Variants in CDH12 observed in about 807,000 individuals in gnomAD.
CDH12 encodes the protein cadherin-12.
CDH12 carries 41 observed loss-of-function variants against 74.1 expected under a neutral mutation model. The observed-to-expected ratio is 0.55, with a 90% CI of 0.43 to 0.72. The LOEUF is 0.72. Ranked by LOEUF, CDH12 falls within the 30% of genes least tolerant of loss-of-function variation. CDH12 has a pLI of 0.00. For missense variants in CDH12, 945 were observed against 977.2 expected (o/e 0.97, Z 0.44); for synonymous variants, 399 against 355.0 (o/e 1.12, Z -1.39).
chr5:21,849,092 G>T (rs950136734), intron 7 of CDH12, among the ~76,000 whole-genome samples: 1 of 151,692 alleles, frequency 6.6e-6, no homozygotes, highest in Non-Finnish European at 1.5e-5. Flanking sequence ...CTTATATATG[G>T]TATTATTCTT....
chr5:21,924,286 C>T (rs1754488678), intron 6 of CDH12, among the ~76,000 whole-genome samples: 1 of 152,034 alleles, frequency 6.6e-6, no homozygotes, highest in African/African-American at 2.4e-5. Context: ...CCAGCACTTT[C>T]GAAGGCCGAG....
chr5:22,192,095 A>G (rs555148908), intron 4 of CDH12, among the ~76,000 whole-genome samples: 1 of 151,974 alleles, frequency 6.6e-6, no homozygotes, highest in South Asian at 2.1e-4. Context: ...CACCATGCCC[A>G]GCTAATTTTT....
At chr5:22,434,036 G>GC (rs1291541608) in intron 2 of CDH12, among the ~76,000 whole-genome samples, 3 of 152,166 alleles carry the variant, frequency 2.0e-5, no homozygotes, top group South Asian at 2.1e-4. Context: ...AGTATATCCA[G>GC]CCCCCACACA....
intron 5 of CDH12, among the ~76,000 whole-genome samples, chr5:22,054,610 T>C (rs1342936869): frequency 1.3e-5 from 2 of 152,154 alleles, no homozygotes; most frequent in African/African-American, 4.8e-5. Flanking sequence ...ATATTGACTG[T>C]TAAAATTAGA....
chr5:21,810,873 A>G (rs1747709658), intron 9 of CDH12, among the ~76,000 whole-genome samples: 1 of 152,140 alleles, frequency 6.6e-6, no homozygotes. Flanking sequence ...TTTGTTCTTA[A>G]GAGTTATTCA....
intron 3 of CDH12, among the ~76,000 whole-genome samples, chr5:22,386,649 T>A (rs542612806): frequency 1.4e-4 from 21 of 152,144 alleles, no homozygotes; most frequent in African/African-American, 4.8e-4. Flanking sequence ...GGGAAAAAAA[T>A]CATTATTTAA....
At chr5:21,806,972 T>C (rs1195100903) in intron 9 of CDH12, among the ~76,000 whole-genome samples, 2 of 152,200 alleles carry the variant, frequency 1.3e-5, no homozygotes, top group East Asian at 3.9e-4. Context: ...ATTAGGATTA[T>C]GATAGTGGCC....
chr5:21,798,625 G>A (rs982875107), intron 10 of CDH12, among the ~76,000 whole-genome samples: 2 of 152,094 alleles, frequency 1.3e-5, no homozygotes, highest in Non-Finnish European at 1.5e-5. Flanking sequence ...CATGAGGGTG[G>A]AGTCCTCATA....
intron 1 of CDH12, among the ~76,000 whole-genome samples, chr5:22,846,768 T>G (rs931395100): frequency 2.0e-5 from 3 of 152,152 alleles, no homozygotes; most frequent in African/African-American, 4.8e-5. Context: ...AACACCTGCT[T>G]GACAATATCC....
At chr5:21,898,965 C>G (rs943388747) in intron 6 of CDH12, among the ~76,000 whole-genome samples, 1 of 152,102 alleles carries the variant, frequency 6.6e-6, no homozygotes, top group African/African-American at 2.4e-5. Context: ...CTGTTTTAGT[C>G]TATCTCACAC....
intron 2 of CDH12, among the ~76,000 whole-genome samples, chr5:22,440,622 C>A (rs1744588021): frequency 6.6e-6 from 1 of 152,104 alleles, no homozygotes; most frequent in South Asian, 2.1e-4. Flanking sequence ...TAGGGTAGAA[C>A]TGAATGGATT....
intron 3 of CDH12, among the ~76,000 whole-genome samples, chr5:22,313,861 G>A (rs1738494292): frequency 6.6e-6 from 1 of 151,890 alleles, no homozygotes; most frequent in Admixed American, 6.6e-5. Context: ...TACGCATTAG[G>A]TACAATGCAC....
intron 1 of CDH12, among the ~76,000 whole-genome samples, chr5:22,568,618 G>A (rs1258755519): frequency 6.6e-6 from 1 of 152,092 alleles, no homozygotes; most frequent in East Asian, 1.9e-4. Flanking sequence ...TTTAAAAAAT[G>A]AATAAATGGT....
intron 3 of CDH12, among the ~76,000 whole-genome samples, chr5:22,326,282 T>C (rs1229873418): frequency 6.6e-6 from 1 of 151,988 alleles, no homozygotes; most frequent in African/African-American, 2.4e-5. Context: ...TCGCCCAGGC[T>C]GGAGTGCAGT....
intron 3 of CDH12, among the ~76,000 whole-genome samples, chr5:22,306,155 C>G (rs140253771): frequency 0.012 from 1,844 of 151,512 alleles, 21 homozygotes; most frequent in South Asian, 0.018. Context: ...CTACAAGAAC[C>G]CTTCTGCTCA....
chr5:22,239,786 T>C lies in CDH12; in HGVS notation c.-332-27143A>G, dbSNP rs1294752300. On this transcript the variant is annotated intron_variant, in intron 3 of 14. Transcript: ENST00000382254. The stretch of plus-strand genomic sequence containing the variant: ...AGTGAACTAATCTATTATTAGAGGG[T>C]GTTGAGCTAGTTGGTATAAGATAAA... 2.0e-5 allele frequency among the ~76,000 whole-genome samples: 3 copies of C among 152,160 alleles called. No homozygotes were observed. In the East Asian group the frequency reaches 5.8e-4, roughly 29 times the overall value.
At chr5:22,344,883 T>C (rs1436929761) in intron 3 of CDH12, among the ~76,000 whole-genome samples, 1 of 152,192 alleles carries the variant, frequency 6.6e-6, no homozygotes, top group Non-Finnish European at 1.5e-5. Flanking sequence ...TCTGTGAGTA[T>C]CACCCAAATT....
chr5:22,573,180 T>C (rs914231521), intron 1 of CDH12, among the ~76,000 whole-genome samples: 2 of 152,226 alleles, frequency 1.3e-5, no homozygotes, highest in East Asian at 1.9e-4. Context: ...AACTTGTTTT[T>C]TGTTGCTCCT....
chr5:21,764,640 C>G (rs566847631), intron 12 of CDH12, among the ~76,000 whole-genome samples: 6 of 111,714 alleles, frequency 5.4e-5, no homozygotes, highest in Non-Finnish European at 1.1e-4. Context: ...CAGAGCAAGA[C>G]TTCATATCAA....
Sources: gnomAD v4.1 joint callset for allele counts (sites outside exome capture counted in the v4.1 genomes callset) on GRCh38, gnomAD v4.1.1 for gene constraint, MANE v1.5 for transcripts, NCBI Gene and HGNC (gene_info 2026-07-23, HGNC 2026-07-21) for gene names.